The following PAK5 variants were observed in gnomAD, a reference collection of about 807,000 sequenced individuals.
PAK5 encodes the protein p21 (RAC1) activated kinase 5.
Under a neutral mutation model 65.9 loss-of-function variants are expected in PAK5, and 16 were observed. The observed-to-expected ratio is 0.24, with a 90% CI of 0.16 to 0.37. The LOEUF is 0.37. Ranked by LOEUF, PAK5 falls within the 10% of genes least tolerant of loss-of-function variation. PAK5 has a pLI of 1.00. For synonymous variants in PAK5, 371 were observed against 354.9 expected (o/e 1.05, Z -0.51); for missense variants, 785 against 903.9 (o/e 0.87, Z 1.69).
At chr20:9,662,387 C>T (rs915952728) in intron 2 of PAK5, among the ~76,000 whole-genome samples, 2 of 152,098 alleles carry the variant, frequency 1.3e-5, no homozygotes, top group African/African-American at 4.8e-5. Context: ...TCACATGCTC[C>T]CCTTTCTGTA....
Position 9,644,134 on chromosome 20 carries a change from A to T in PAK5, c.195T>A (p.Ala65=). The T allele has an allele frequency of 1.2e-6, 2 of 1,613,556 alleles. No homozygotes were observed. The change falls in exon 3 of 10, where the codon GCT becomes GCA. Residue 65 remains alanine, a synonymous_variant. Transcript: ENST00000353224. ...DPSCITPIQL[A]PMKTIVRGNK... is the part of the protein sequence containing the mutation. The stretch of plus-strand genomic sequence containing the variant: ...GGAGCCCTCACCATACCTTCATAGG[A>T]GCCAGCTGGATGGGTGTGATGCATG...
intron 2 of PAK5, among the ~76,000 whole-genome samples, chr20:9,650,639 A>G (rs2047191409): frequency 6.6e-6 from 1 of 151,906 alleles, no homozygotes; most frequent in African/African-American, 2.4e-5. Flanking sequence ...GTTTGTGGGT[A>G]TTCCTACATT....
chr20:9,610,364 C>T (rs1244689360), intron 3 of PAK5, among the ~76,000 whole-genome samples: 1 of 152,162 alleles, frequency 6.6e-6, no homozygotes, highest in Non-Finnish European at 1.5e-5. Flanking sequence ...CACAGTAAGC[C>T]TGTACTGGCA....
At chr20:9,550,829 C>T (rs1053019776) in intron 7 of PAK5, among the ~76,000 whole-genome samples, 3 of 151,686 alleles carry the variant, frequency 2.0e-5, no homozygotes, top group South Asian at 2.1e-4. Context: ...GAGGAACAAA[C>T]GTTCCAGTTT....
intron 1 of PAK5, among the ~76,000 whole-genome samples, chr20:9,822,694 A>G (rs1377573609): frequency 6.6e-6 from 1 of 152,246 alleles, no homozygotes; most frequent in African/African-American, 2.4e-5. Flanking sequence ...GGCAACAGGT[A>G]TAGATGTAGC....
intron 1 of PAK5, among the ~76,000 whole-genome samples, chr20:9,767,153 T>C (rs1372586749): frequency 1.3e-5 from 2 of 152,186 alleles, no homozygotes; most frequent in African/African-American, 4.8e-5. Flanking sequence ...AAGGATGATT[T>C]TTATCAGGCC....
At chr20:9,596,069 T>C (rs541334151) in intron 3 of PAK5, among the ~76,000 whole-genome samples, 2 of 152,366 alleles carry the variant, frequency 1.3e-5, no homozygotes, top group South Asian at 4.1e-4. Context: ...AATTTCATTG[T>C]ACATTAATGC....
intron 2 of PAK5, among the ~76,000 whole-genome samples, chr20:9,663,203 G>A (rs1320664313): frequency 6.6e-6 from 1 of 152,092 alleles, no homozygotes; most frequent in African/African-American, 2.4e-5. Flanking sequence ...GTGGTTTGGG[G>A]CAATATTTTG....
intron 1 of PAK5, among the ~76,000 whole-genome samples, chr20:9,752,652 A>T (rs560012093): frequency 3.8e-4 from 58 of 152,294 alleles, no homozygotes; most frequent in African/African-American, 1.3e-3. Flanking sequence ...TAAAAAATTT[A>T]AAAATAAGAC....
intron 2 of PAK5, among the ~76,000 whole-genome samples, chr20:9,707,982 G>C (rs965548788): frequency 6.6e-6 from 1 of 152,150 alleles, no homozygotes; most frequent in African/African-American, 2.4e-5. Flanking sequence ...TTGTTATACA[G>C]CAACAAGTGA....
chr20:9,713,662 C>T (rs1378302898), intron 1 of PAK5, among the ~76,000 whole-genome samples: 1 of 152,046 alleles, frequency 6.6e-6, no homozygotes, highest in Non-Finnish European at 1.5e-5. Context: ...TATATGTATA[C>T]AATCAAATAC....
chr20:9,676,248 C>T (rs2047570486), intron 2 of PAK5, among the ~76,000 whole-genome samples: 2 of 152,004 alleles, frequency 1.3e-5, no homozygotes, highest in African/African-American at 4.8e-5. Context: ...CGAGTCCCTC[C>T]CACAACATGT....
intron 1 of PAK5, among the ~76,000 whole-genome samples, chr20:9,783,677 T>A (rs1258620144): frequency 6.6e-6 from 1 of 152,238 alleles, no homozygotes; most frequent in Non-Finnish European, 1.5e-5. Flanking sequence ...TTACACAGGC[T>A]AAAAGTATGT....
chr20:9,739,621 A>G (rs1402721919), intron 1 of PAK5, among the ~76,000 whole-genome samples: 1 of 152,172 alleles, frequency 6.6e-6, no homozygotes, highest in Non-Finnish European at 1.5e-5. Context: ...AATTTTCGAT[A>G]TGAACCTGTA....
intron 1 of PAK5, among the ~76,000 whole-genome samples, chr20:9,806,139 T>G (rs577876894): frequency 1.6e-4 from 24 of 151,930 alleles, no homozygotes; most frequent in Admixed American, 3.3e-4. Flanking sequence ...TAATTTTATT[T>G]ATTTATTTAT....
At chr20:9,731,707 T>A (rs1600299588) in intron 1 of PAK5, among the ~76,000 whole-genome samples, 1 of 152,220 alleles carries the variant, frequency 6.6e-6, no homozygotes, top group African/African-American at 2.4e-5. Context: ...AATATGCCTG[T>A]TCTAAAGCAG....
chr20:9,766,204 G>C (rs1450775487), intron 1 of PAK5, among the ~76,000 whole-genome samples: 2 of 137,906 alleles, frequency 1.5e-5, no homozygotes, highest in Admixed American at 7.7e-5. Context: ...CCTGGCGACA[G>C]AGCAAGACTC....
At chr20:9,783,529 C>A (rs1056496322) in intron 1 of PAK5, among the ~76,000 whole-genome samples, 1 of 152,128 alleles carries the variant, frequency 6.6e-6, no homozygotes, top group African/African-American at 2.4e-5. Context: ...ACTTCTCTAT[C>A]TCAACATCTT....
chr20:9,710,538 T>C (rs536463369), intron 2 of PAK5, among the ~76,000 whole-genome samples: 1 of 152,308 alleles, frequency 6.6e-6, no homozygotes, highest in Non-Finnish European at 1.5e-5. Context: ...TTCAAATTCA[T>C]CCATCTCCAA....
Sources: gnomAD v4.1 joint callset for allele counts (sites outside exome capture counted in the v4.1 genomes callset) on GRCh38, gnomAD v4.1.1 for gene constraint, MANE v1.5 for transcripts, NCBI Gene and HGNC (gene_info 2026-07-23, HGNC 2026-07-21) for gene names.